The following SMAD3 variants were observed in gnomAD, a reference collection of about 807,000 sequenced individuals.
The protein encoded by SMAD3 is SMAD family member 3, also known as MAD homolog 3.
Under a neutral mutation model 51.8 loss-of-function variants are expected in SMAD3, and 12 were observed. The ratio of observed to expected loss-of-function variants is 0.23; its 90% CI spans 0.15 to 0.38. SMAD3 has a LOEUF of 0.38. SMAD3 is among the 10% of genes least tolerant of loss of function. The probability of loss-of-function intolerance (pLI) is 1.00; values close to 1 mark genes in which losing one functional copy is unlikely to be tolerated. For missense variants in SMAD3, 294 were observed against 565.6 expected (o/e 0.52, Z 4.87); for synonymous variants, 238 against 227.7 (o/e 1.05, Z -0.41).
At chr15:67,183,032 T>TATATATATATATA (rs59673693) in intron 6 of SMAD3, among the ~76,000 whole-genome samples, 6 of 30,994 alleles carry the variant, frequency 1.9e-4, no homozygotes, top group South Asian at 2.9e-3. Context: ...TATATATATA[T>TATATATATATATA]TTTTTTTTTT....
At chr15:67,138,307 T>C (rs1961721685) in intron 1 of SMAD3, 1 of 526,056 alleles carries the variant, frequency 1.9e-6, no homozygotes, top group East Asian at 3.2e-5. Context: ...GCCCTCTGCC[T>C]GGTTCTGGGC....
In SMAD3 at chr15:67,181,486, C is replaced by CCTGCCCCTGCCACT. The variant is rs1555413611; in HGVS notation, c.871+36_871+49dup. On this transcript the variant is annotated intron_variant, in intron 6 of 8. Coordinates refer to ENST00000327367, the MANE Select transcript of SMAD3 (RefSeq NM_005902.4). ...GTGGCTCCATTCCCCGCCCCCCCAC[C>CCTGCCCCTGCCACT]CTGCCCCTGCCACTCTATCCCACCC... 4 of 1,487,668 alleles carry CCTGCCCCTGCCACT rather than the reference C, an allele frequency of 2.7e-6. No homozygotes were observed. The African/African-American group carries it at 4.3e-5, about 16-fold the overall frequency. 92.2% of individuals were successfully genotyped at this position (1,487,668 alleles called of 1,614,324 possible).
rs1356453180 is a variant in SMAD3 at position 67,186,614 on chromosome 15, C to T, written c.1010-751C>T. 3 of 155,474 alleles carry T rather than the reference C, an allele frequency of 1.9e-5. No individual in the cohort carries two copies. The East Asian group carries it at 5.7e-4, about 30-fold the overall frequency. 9.6% of individuals were successfully genotyped at this position (155,474 alleles called of 1,614,324 possible). A position where few individuals can be genotyped will look rare whatever the true frequency, so the allele number is the denominator to read the frequency against. The stretch of plus-strand genomic sequence containing the variant: ...TTCTGGTTGACACATTCCTGGCACT[C>T]AGGCAGTAAGACTTCAAACGACATT... On this transcript the variant is annotated intron_variant, in intron 7 of 8. Transcript: ENST00000327367.
At chr15:67,175,593 G>C (rs1259735325) in intron 5 of SMAD3, among the ~76,000 whole-genome samples, 1 of 152,180 alleles carries the variant, frequency 6.6e-6, no homozygotes, top group African/African-American at 2.4e-5. Flanking sequence ...CTCCCCCCAG[G>C]GTGCCACTTT....
chr15:67,160,498 C>T (rs1055630396), intron 1 of SMAD3, among the ~76,000 whole-genome samples: 1 of 152,104 alleles, frequency 6.6e-6, no homozygotes, highest in South Asian at 2.1e-4. Context: ...GTTGGCTGGG[C>T]GCAGTGGCTC....
chr15:67,185,439 G>C (rs1307227041), intron 7 of SMAD3, among the ~76,000 whole-genome samples: 12 of 152,200 alleles, frequency 7.9e-5, no homozygotes, highest in Non-Finnish European at 1.6e-4. Context: ...ATTCTAGACA[G>C]GGGGAGCAGC....
chr15:67,130,599 C>A (rs1031680835), intron 1 of SMAD3, among the ~76,000 whole-genome samples: 1 of 152,172 alleles, frequency 6.6e-6, no homozygotes, highest in Non-Finnish European at 1.5e-5. Flanking sequence ...CCCCCCCAAC[C>A]CTCATCTCTG....
At chr15:67,087,378 AC>A (rs1321123990) in intron 1 of SMAD3, among the ~76,000 whole-genome samples, 1 of 152,052 alleles carries the variant, frequency 6.6e-6, no homozygotes, top group African/African-American at 2.4e-5. Flanking sequence ...TTTGATGATT[AC>A]CATCTGCCCA....
intron 1 of SMAD3, among the ~76,000 whole-genome samples, chr15:67,088,111 C>T (rs1220653016): frequency 1.3e-5 from 2 of 152,218 alleles, no homozygotes; most frequent in Non-Finnish European, 2.9e-5. Context: ...TTATCCCCTA[C>T]TCTCACCTTT....
intron 1 of SMAD3, among the ~76,000 whole-genome samples, chr15:67,160,790 AAAAAAAAAAAAAAAAAAAAAAAG>A (rs1299659519): frequency 4.8e-4 from 69 of 144,748 alleles, no homozygotes; most frequent in Middle Eastern, 3.4e-3. Context: ...AAAAAAAAAA[AAAAAAAAAAAAAAAAAAAAAAAG>A]AAGATTGAAT....
chr15:67,181,565 AGCTGTGCTCT>A, intron 6 of SMAD3, 112 bp downstream of exon 6: 1 of 908,286 alleles, frequency 1.1e-6, no homozygotes. Context: ...GTCCATCCTT[AGCTGTGCTCT>A]GCCTCCTGCT....
chr15:67,155,392 ATTTG>A (rs1962255319), intron 1 of SMAD3, among the ~76,000 whole-genome samples: 1 of 152,118 alleles, frequency 6.6e-6, no homozygotes, highest in African/African-American at 2.4e-5. Context: ...GGGCTTTCTT[ATTTG>A]TTCCTTTATT....
intron 1 of SMAD3, chr15:67,138,222 G>T (rs1033684562): frequency 6.6e-6 from 5 of 752,834 alleles, no homozygotes; most frequent in African/African-American, 5.2e-5. Flanking sequence ...TCTGGGTGGG[G>T]ATGTGGACTC....
At chr15:67,173,593 T>A (rs1962810094) in intron 5 of SMAD3, among the ~76,000 whole-genome samples, 2 of 152,128 alleles carry the variant, frequency 1.3e-5, no homozygotes, top group Non-Finnish European at 2.9e-5. Flanking sequence ...GACCCCTGAG[T>A]GTCTGCTTAG....
At chr15:67,150,173 G>A (rs1025573659) in intron 1 of SMAD3, among the ~76,000 whole-genome samples, 7 of 152,200 alleles carry the variant, frequency 4.6e-5, no homozygotes, top group South Asian at 2.1e-4. Flanking sequence ...CTGCCTCTCC[G>A]CGTGAATGTC....
At chr15:67,161,366 T>C (rs1347214323) in intron 1 of SMAD3, among the ~76,000 whole-genome samples, 2 of 152,242 alleles carry the variant, frequency 1.3e-5, no homozygotes, top group East Asian at 3.8e-4. Flanking sequence ...AAGTGATTCA[T>C]GTATGATTAA....
chr15:67,106,636 A>T (rs1324663599), intron 1 of SMAD3, among the ~76,000 whole-genome samples: 2 of 152,114 alleles, frequency 1.3e-5, no homozygotes, highest in African/African-American at 2.4e-5. Flanking sequence ...ACCCAGATCA[A>T]AGGAGCTCAG....
intron 1 of SMAD3, among the ~76,000 whole-genome samples, chr15:67,120,352 G>T (rs1961231412): frequency 6.6e-6 from 1 of 152,196 alleles, no homozygotes. Flanking sequence ...GGGTATCAAG[G>T]ATAACAAGTC....
intron 1 of SMAD3, among the ~76,000 whole-genome samples, chr15:67,121,226 A>G (rs7180412): frequency 0.93 from 141,614 of 152,294 alleles, 65,869 homozygotes; most frequent in East Asian, 0.96. Flanking sequence ...CGTGGAGCCC[A>G]GTGGGGATTT....
Sources: allele counts gnomAD v4.1 joint callset (sites outside exome capture counted in the v4.1 genomes callset), GRCh38; gene constraint gnomAD v4.1.1; transcripts MANE v1.5; gene names NCBI Gene and HGNC (gene_info 2026-07-23, HGNC 2026-07-21).